Variants in EYS observed in about 807,000 individuals in gnomAD.
EYS encodes protein eyes shut homolog.
Under a neutral mutation model 282.1 loss-of-function variants are expected in EYS, and 250 were observed. The observed-to-expected ratio is 0.89, with a 90% CI of 0.80 to 0.98. The LOEUF (loss-of-function observed/expected upper bound fraction) is 0.98, where lower values mean the gene tolerates loss of function less well. Ranked by LOEUF, EYS falls within the 50% of genes least tolerant of loss-of-function variation. EYS has a pLI of 0.00. For missense variants in EYS, 4,016 were observed against 3,709.0 expected, an observed-to-expected ratio of 1.08 and a Z score of -2.15; for synonymous variants, 1,355 against 1,282.9, an observed-to-expected ratio of 1.06 and a Z score of -1.20.
In EYS at chr6:65,482,423, G is replaced by T. The variant is rs1012670156; in HGVS notation, c.862+8171C>A. On this transcript the variant is annotated intron_variant, in intron 5 of 42. Transcript: ENST00000503581. ...AGTTCAATTCTCTGCATGGCAGGGG[G>T]TTAGAGATAGGGTTAAATTGACAGA... 1.2e-4 allele frequency among the ~76,000 whole-genome samples: 19 copies of T among 152,160 alleles called. 1 individual carries two copies. The highest frequency in any genetic ancestry group is 1.1e-3 in the Admixed American group (17 of 15,260).
intron 31 of EYS, among the ~76,000 whole-genome samples, chr6:64,160,023 C>T (rs1363464487): frequency 6.6e-6 from 1 of 152,176 alleles, no homozygotes; most frequent in African/African-American, 2.4e-5. Flanking sequence ...AGGTAGCTCA[C>T]TTTCTAAAGG....
chr6:64,941,029 T>C (rs1419849647), intron 15 of EYS, among the ~76,000 whole-genome samples: 2 of 152,138 alleles, frequency 1.3e-5, no homozygotes, highest in African/African-American at 4.8e-5. Context: ...TATGATATAC[T>C]TGATTATGCA....
intron 15 of EYS, among the ~76,000 whole-genome samples, chr6:64,930,461 TAAAA>T (rs55650031): frequency 0.11 from 13,478 of 123,034 alleles, 644 homozygotes; most frequent in Non-Finnish European, 0.12. Flanking sequence ...ATAAATAAGG[TAAAA>T]AAAAAAAAAA....
intron 40 of EYS, among the ~76,000 whole-genome samples, chr6:63,769,568 G>A (rs1769881426): frequency 1.3e-5 from 2 of 152,176 alleles, no homozygotes; most frequent in South Asian, 4.1e-4. Context: ...ACAGATGATA[G>A]CAGAGAATAA....
At position 64,054,654 on chromosome 6, in the gene EYS, G is replaced by T. The variant is rs76127610; in HGVS notation, c.6725+11684C>A. On this transcript the variant is annotated intron_variant, in intron 33 of 42. Coordinates refer to ENST00000503581, the MANE Select transcript of EYS (RefSeq NM_001142800.2). ...AGCATGGTTAAATATAAGGGCTCTA[G>T]AGTAAAATGGCCTAGGTAGTAACCC... Among the ~76,000 whole-genome samples, 156 of 152,248 alleles carry T rather than the reference G, an allele frequency of 1.0e-3. 3 individuals are homozygous for T. The East Asian group carries it at 0.027, about 27-fold the overall frequency.
chr6:64,265,004 GA>G (rs1287454385), intron 30 of EYS, among the ~76,000 whole-genome samples: 2 of 152,056 alleles, frequency 1.3e-5, no homozygotes, highest in Non-Finnish European at 2.9e-5. Context: ...TGTCAGTGGA[GA>G]AGCCATAAAA....
At chr6:64,727,234 T>C (rs1165599461) in intron 22 of EYS, among the ~76,000 whole-genome samples, 6 of 152,186 alleles carry the variant, frequency 3.9e-5, no homozygotes, top group African/African-American at 1.4e-4. Flanking sequence ...ATTCTTAAAG[T>C]TTTATCTTGG....
chr6:65,262,675 T>C (rs1244145336), intron 12 of EYS, among the ~76,000 whole-genome samples: 4 of 152,138 alleles, frequency 2.6e-5, no homozygotes, highest in African/African-American at 9.7e-5. Context: ...AACACATTTA[T>C]GTATTAGTTT....
intron 2 of EYS, among the ~76,000 whole-genome samples, chr6:65,569,448 G>A (rs1008625057): frequency 6.6e-6 from 1 of 152,064 alleles, no homozygotes; most frequent in Admixed American, 6.6e-5. Context: ...TCTTCTTCTT[G>A]CCTGGGGACC....
intron 26 of EYS, among the ~76,000 whole-genome samples, chr6:64,585,731 A>C (rs971926592): frequency 4.6e-5 from 7 of 152,100 alleles, no homozygotes; most frequent in Non-Finnish European, 7.4e-5. Flanking sequence ...TTTTAACTAC[A>C]GTTTTTATGT....
chr6:65,134,476 C>T (rs922966213), intron 12 of EYS, among the ~76,000 whole-genome samples: 15 of 152,012 alleles, frequency 9.9e-5, no homozygotes, highest in East Asian at 1.9e-4. Flanking sequence ...GGCCATCATC[C>T]TTAGCAAACT....
chr6:65,240,099 G>A (rs1767020572), intron 12 of EYS, among the ~76,000 whole-genome samples: 1 of 151,490 alleles, frequency 6.6e-6, no homozygotes, highest in South Asian at 2.1e-4. Flanking sequence ...CTCCCAAGTA[G>A]CTGGGACTAC....
chr6:64,233,617 TAGTA>T (rs1766496304), intron 30 of EYS, among the ~76,000 whole-genome samples: 2 of 152,166 alleles, frequency 1.3e-5, no homozygotes, highest in African/African-American at 2.4e-5. Flanking sequence ...GTTTAGAAAA[TAGTA>T]AGTGTGAAAA....
chr6:64,976,769 A>G (rs922653070), intron 14 of EYS, among the ~76,000 whole-genome samples: 5 of 151,912 alleles, frequency 3.3e-5, no homozygotes, highest in Admixed American at 1.3e-4. Context: ...AAAGAGAACT[A>G]TGTTTCTGTC....
At chr6:64,839,569 CT>C (rs1162779820) in intron 19 of EYS, among the ~76,000 whole-genome samples, 6 of 151,898 alleles carry the variant, frequency 4.0e-5, no homozygotes, top group Non-Finnish European at 8.8e-5. Context: ...CAAGTTTTCC[CT>C]TTTTTTCTCC....
At chr6:64,868,597 T>C (rs1282875253) in intron 19 of EYS, among the ~76,000 whole-genome samples, 1 of 151,580 alleles carries the variant, frequency 6.6e-6, no homozygotes, top group Non-Finnish European at 1.5e-5. Flanking sequence ...GGTTACTTGA[T>C]AAAATTCTTG....
chr6:65,514,412 C>CT lies in EYS; in HGVS notation c.-332-18420dup, dbSNP rs529118820. Among the ~76,000 whole-genome samples the CT allele has an allele frequency of 1.4e-3, 208 of 152,232 alleles. 1 individual carries two copies. The highest frequency in any genetic ancestry group is 4.7e-3 in the African/African-American group (197 of 41,538). On this transcript the variant is annotated intron_variant, in intron 2 of 42. Coordinates refer to ENST00000503581, the MANE Select transcript of EYS (RefSeq NM_001142800.2). ...GCCATCCCCATCAATCTACCAATGA[C>CT]TTTTTTCACAGAATTGGAAAAAACT...
At chr6:65,281,984 T>A (rs1211570976) in intron 12 of EYS, among the ~76,000 whole-genome samples, 2 of 152,036 alleles carry the variant, frequency 1.3e-5, no homozygotes, top group Non-Finnish European at 2.9e-5. Context: ...TTTGCTATTG[T>A]GAATAGTACT....
At chr6:65,648,552 G>A (rs1767539440) in intron 1 of EYS, among the ~76,000 whole-genome samples, 1 of 152,002 alleles carries the variant, frequency 6.6e-6, no homozygotes, top group Non-Finnish European at 1.5e-5. Flanking sequence ...TGGGGACTTG[G>A]GAGAAATGGT....
Sources: gnomAD v4.1 joint callset for allele counts (sites outside exome capture counted in the v4.1 genomes callset) on GRCh38, gnomAD v4.1.1 for gene constraint, MANE v1.5 for transcripts, NCBI Gene and HGNC (gene_info 2026-07-23, HGNC 2026-07-21) for gene names.